EED: variants seen among roughly 807,000 people sequenced by gnomAD.
The protein encoded by EED is polycomb protein EED.
A neutral mutation model predicts 61.0 loss-of-function variants in EED; 9 were observed. The observed-to-expected ratio is 0.15, with a 90% CI of 0.09 to 0.26. EED has a LOEUF of 0.26. EED is among the 10% of genes least tolerant of loss of function. The probability of loss-of-function intolerance (pLI) is 1.00; values close to 1 mark genes in which losing one functional copy is unlikely to be tolerated. For missense variants in EED, 315 were observed against 542.3 expected, an observed-to-expected ratio of 0.58 and a Z score of 4.16; for synonymous variants, 187 against 174.4, an observed-to-expected ratio of 1.07 and a Z score of -0.57.
At chr11:86,259,945 C>T (rs1489389125) in intron 6 of EED, among the ~76,000 whole-genome samples, 1 of 152,094 alleles carries the variant, frequency 6.6e-6, no homozygotes, top group Admixed American at 6.6e-5. Flanking sequence ...TCTGGCAGTT[C>T]CTCAAAATGT....
At chr11:86,274,860 C>T (rs1946192692) in intron 9 of EED, among the ~76,000 whole-genome samples, 1 of 152,202 alleles carries the variant, frequency 6.6e-6, no homozygotes, top group Non-Finnish European at 1.5e-5. Flanking sequence ...GGGGTAGGCA[C>T]TTGGGGTGCT....
chr11:86,277,981 C>A lies in EED; in HGVS notation c.1189C>A (p.His397Asn). Residue 397 changes from histidine to asparagine, a missense_variant, in exon 11 of 12, where the codon CAT becomes AAT. This residue lies in a region of EED where 205 missense variants were observed against 455.4 expected (regional missense o/e 0.45). Transcript: ENST00000263360. ...YVWDLEVEDP[H>N]KAKCTTLTHH... ...TTGGGATTTAGAAGTAGAAGATCCT[C>A]ATAAAGCCAAGTAAGTATTTAGAAA... is the stretch of plus-strand genomic sequence containing the variant. 1 of 1,540,032 alleles carries A rather than the reference C, an allele frequency of 6.5e-7. No homozygotes were observed. Among genetic ancestry groups the A allele is most frequent in the Non-Finnish European group, 8.7e-7 (1 of 1,152,568 alleles).
intron 7 of EED, chr11:86,265,021 G>A (rs913887255): frequency 3.3e-5 from 5 of 152,068 alleles, no homozygotes; most frequent in African/African-American, 1.2e-4. Flanking sequence ...ACCTTCCTTC[G>A]AATACCTTGT....
chr11:86,259,757 A>G (rs771215219), intron 6 of EED, among the ~76,000 whole-genome samples: 7 of 152,244 alleles, frequency 4.6e-5, no homozygotes, highest in Non-Finnish European at 7.3e-5. Flanking sequence ...GATGTTTAAC[A>G]TATTAATCAT....
intron 1 of EED, among the ~76,000 whole-genome samples, chr11:86,248,262 TATTAC>T (rs1208848442): frequency 2.0e-5 from 3 of 152,238 alleles, no homozygotes; most frequent in Non-Finnish European, 2.9e-5. Flanking sequence ...ATGGTGGCTG[TATTAC>T]ATTTTCATTT....
At chr11:86,245,400 A>G in intron 1 of EED, 57 bp downstream of exon 1, 1 of 1,415,740 alleles carries the variant, frequency 7.1e-7, no homozygotes, top group Admixed American at 2.0e-5. Flanking sequence ...AAATTCTTTT[A>G]AAACGGGGGG....
Position 86,277,108 on chromosome 11 carries a change from C to T in EED, c.1095C>T (p.Tyr365=), listed in dbSNP as rs1593775017. The part of the protein sequence containing the change: ...RFDYSQCDIW[Y]MRFSMDFWQK... ...ATTACAGCCAGTGTGACATTTGGTA[C>T]ATGAGGTTTTCTATGGATTTCTGGC... The change falls in exon 10 of 12, where the codon TAC becomes TAT. Residue 365 remains tyrosine, a synonymous_variant. Coordinates refer to ENST00000263360, the MANE Select transcript of EED (RefSeq NM_003797.5). 1.9e-6 allele frequency: 3 copies of T among 1,592,984 alleles called. No homozygotes were observed. Among genetic ancestry groups the T allele is most frequent in the Non-Finnish European group, 2.6e-6 (3 of 1,165,564 alleles).
downstream of EED, among the ~76,000 whole-genome samples, chr11:86,283,062 AAAC>A (rs1220010755): frequency 2.0e-5 from 3 of 152,134 alleles, no homozygotes; most frequent in African/African-American, 7.2e-5. Context: ...AAAGAACAAC[AAAC>A]AACAGGCAGT....
At chr11:86,248,158 T>G (rs775637463) in intron 1 of EED, among the ~76,000 whole-genome samples, 1 of 152,230 alleles carries the variant, frequency 6.6e-6, no homozygotes, top group Admixed American at 6.5e-5. Flanking sequence ...AGTATCATTC[T>G]TTACTTTGAG....
intron 1 of EED, 124 bp downstream of exon 1, chr11:86,245,467 G>T: frequency 5.0e-6 from 4 of 796,990 alleles, no homozygotes; most frequent in Non-Finnish European, 8.1e-6. Context: ...AGGAAAACGC[G>T]GGCGTGCGGG....
chr11:86,280,419 A>G (rs1298214614), downstream of EED, among the ~76,000 whole-genome samples: 1 of 152,160 alleles, frequency 6.6e-6, no homozygotes, highest in African/African-American at 2.4e-5. Flanking sequence ...CCTTTCCCTG[A>G]AATACTAAGG....
At chr11:86,285,966 G>C in the EED span, among the ~76,000 whole-genome samples, 1 of 152,078 alleles carries the variant, frequency 6.6e-6, no homozygotes, top group African/African-American at 2.4e-5. Context: ...TTACAGAATT[G>C]ATATTTGTGT....
At chr11:86,272,956 A>C (rs1192031070) in intron 9 of EED, among the ~76,000 whole-genome samples, 1 of 152,066 alleles carries the variant, frequency 6.6e-6, no homozygotes, top group Non-Finnish European at 1.5e-5. Flanking sequence ...TTACATGAAC[A>C]GTTTTTAGAA....
intron 5 of EED, among the ~76,000 whole-genome samples, chr11:86,257,084 C>T (rs1346281030): frequency 6.6e-6 from 1 of 150,894 alleles, no homozygotes; most frequent in Non-Finnish European, 1.5e-5. Context: ...TTTGCCCGGG[C>T]TGGAATGTAG....
intron 4 of EED, among the ~76,000 whole-genome samples, 186 bp from the exon 5 acceptor site, chr11:86,256,201 T>G (rs1471302817): frequency 6.6e-6 from 1 of 152,242 alleles, no homozygotes; most frequent in Non-Finnish European, 1.5e-5. Flanking sequence ...GGAGAGACTG[T>G]AATTTTGTTT....
chr11:86,277,144 A>G lies in EED; in HGVS notation c.1125+6A>G. 3 of 1,563,776 alleles carry G rather than the reference A, an allele frequency of 1.9e-6. No individual in the cohort carries two copies. Among genetic ancestry groups the G allele is most frequent in the Non-Finnish European group, 2.6e-6 (3 of 1,147,616 alleles). ...CTATGGATTTCTGGCAAAAGGTATC[A>G]ACATACTTTTACATTTTGAAATGAT... On this transcript the variant is annotated splice_donor_region_variant and intron_variant, in intron 10 of 11. Transcript: ENST00000263360.
downstream of EED, among the ~76,000 whole-genome samples, chr11:86,281,836 C>A (rs1946327810): frequency 6.6e-6 from 1 of 152,150 alleles, no homozygotes; most frequent in South Asian, 2.1e-4. Context: ...AGACATCTTT[C>A]ATTTTCTCTT....
At chr11:86,258,505 C>T (rs79829381) in intron 6 of EED, among the ~76,000 whole-genome samples, 3,141 of 150,986 alleles carry the variant, frequency 0.021, 44 homozygotes, top group Non-Finnish European at 0.034. Flanking sequence ...CGTAATGCCT[C>T]ACTTGTTCTA....
At chr11:86,269,729 G>A (rs1008746563) in intron 9 of EED, among the ~76,000 whole-genome samples, 1 of 152,066 alleles carries the variant, frequency 6.6e-6, no homozygotes, top group Non-Finnish European at 1.5e-5. Context: ...ATTTTATCAC[G>A]TGAATTTTGT....
Sources: gnomAD v4.1 joint callset for allele counts (sites outside exome capture counted in the v4.1 genomes callset) on GRCh38, gnomAD v4.1.1 for gene constraint, gnomAD v4.1.1 regional missense constraint, MANE v1.5 for transcripts, NCBI Gene and HGNC (gene_info 2026-07-23, HGNC 2026-07-21) for gene names.